The following RAD52 variants were observed in gnomAD, a reference collection of about 807,000 sequenced individuals.
RAD52 encodes DNA repair protein RAD52 homolog.
A neutral mutation model predicts 55.5 loss-of-function variants in RAD52; 47 were observed. The observed-to-expected ratio is 0.85, with a 90% CI of 0.67 to 1.08. RAD52 has a LOEUF of 1.08. Among genes scored for constraint, RAD52 ranks in the 50% least tolerant of loss-of-function variants. The pLI is 0.00. For missense variants in RAD52, 468 were observed against 522.8 expected (o/e 0.90, Z 1.02); for synonymous variants, 184 against 198.9 (o/e 0.92, Z 0.63).
chr12:930,634 A>T (rs868775074), intron 3 of RAD52, among the ~76,000 whole-genome samples: 2 of 114,960 alleles, frequency 1.7e-5, no homozygotes, highest in Non-Finnish European at 3.6e-5. Context: ...GTGTTTAATT[A>T]AAAAAAAAAA....
At chr12:935,865 T>A (rs1418531476) in intron 1 of RAD52, among the ~76,000 whole-genome samples, 2 of 7,386 alleles carry the variant, frequency 2.7e-4, no homozygotes, top group African/African-American at 7.2e-4. Flanking sequence ...AAAAAATAAA[T>A]AAATAAATAA....
rs1384108243 is a variant in RAD52, at chr12:912,525, A to T, written c.*866T>A. The T allele has an allele frequency of 1.4e-5, 2 of 144,792 alleles. No homozygotes were observed. The highest frequency in any genetic ancestry group is 2.9e-5 in the Non-Finnish European group (2 of 69,538). The allele number at this position is 144,792 out of a possible 1,614,324, so 9.0% of individuals were successfully genotyped here. On this transcript the variant is annotated 3_prime_UTR_variant, in exon 12 of 12. Coordinates refer to ENST00000358495, the MANE Select transcript of RAD52 (RefSeq NM_134424.4). ...AGCATTTCAGATAAGCAATATATATATATTCTATTTTGTTAATAAGGTATA... is the reference window on the plus strand; with the variant it reads ...AGCATTTCAGATAAGCAATATATATTTATTCTATTTTGTTAATAAGGTATA...
chr12:953,399 A>T (rs1958562275), upstream of RAD52, among the ~76,000 whole-genome samples: 1 of 152,184 alleles, frequency 6.6e-6, no homozygotes, highest in Non-Finnish European at 1.5e-5. Flanking sequence ...ATTATGCCAG[A>T]AGCCAAAGAA....
At chr12:981,831 G>C (rs1332945993) in intron 1 of RAD52, among the ~76,000 whole-genome samples, 1 of 110,436 alleles carries the variant, frequency 9.1e-6, no homozygotes, top group Non-Finnish European at 2.1e-5. Flanking sequence ...AAATTCTGTT[G>C]AACTTTAAGG....
chr12:964,216 A>C (rs1045735137), intron 1 of RAD52, among the ~76,000 whole-genome samples: 1 of 152,156 alleles, frequency 6.6e-6, no homozygotes, highest in Non-Finnish European at 1.5e-5. Context: ...GTAAGTTTTA[A>C]GAGGATTTTG....
chr12:973,778 CCTT>C (rs200687424), intron 1 of RAD52, among the ~76,000 whole-genome samples: 13 of 136,628 alleles, frequency 9.5e-5, no homozygotes, highest in South Asian at 2.2e-4. Context: ...CACGCCCAGT[CCTT>C]CTTTTTTTTT....
rs117104060 is a variant in RAD52, at chr12:936,158, G to A, written c.-18-3082C>T. Among the ~76,000 whole-genome samples, 517 of 151,954 alleles carry A rather than the reference G, an allele frequency of 3.4e-3. 11 individuals are homozygous for A. Among genetic ancestry groups the A allele is most frequent in the East Asian group, 0.034 (168 of 5,014 alleles). On this transcript the variant is annotated intron_variant, in intron 1 of 11. Transcript: ENST00000358495. ...ATCTCTACTAAAAATACAAAACTTA[G>A]CCAGATGCAGTGGCGCGTGCCTGTA...
chr12:957,466 CAAA>C (rs71055109), intron 1 of RAD52, among the ~76,000 whole-genome samples: 1 of 44,052 alleles, frequency 2.3e-5, no homozygotes, highest in Non-Finnish European at 4.1e-5. Flanking sequence ...AACTTCGTCT[CAAA>C]AAAAAAAAAA....
chr12:981,771 T>TAAATAAATAAAATAAAATAAAATA (rs1555184010), intron 1 of RAD52, among the ~76,000 whole-genome samples: 2 of 139,618 alleles, frequency 1.4e-5, no homozygotes, highest in African/African-American at 2.6e-5. Context: ...AATAAATAAA[T>TAAATAAATAAAATAAAATAAAATA]AAATAAAATA....
intron 2 of RAD52, 40 bp downstream of exon 2, chr12:932,935 T>C: frequency 6.3e-7 from 1 of 1,599,330 alleles, no homozygotes; most frequent in Non-Finnish European, 8.6e-7. Context: ...CTTTACTCAC[T>C]TCACCTCATT....
At chr12:947,410 G>A (rs1415975748) in intron 1 of RAD52, among the ~76,000 whole-genome samples, 2 of 151,922 alleles carry the variant, frequency 1.3e-5, no homozygotes, top group African/African-American at 4.8e-5. Flanking sequence ...CACTTTGGGA[G>A]GCCGAGGCGG....
upstream of RAD52, among the ~76,000 whole-genome samples, chr12:950,462 T>G (rs1004974132): frequency 1.3e-4 from 20 of 150,494 alleles, no homozygotes; most frequent in Non-Finnish European, 2.8e-4. Context: ...TCCCAGCTAC[T>G]CGGGAGGCTG....
chr12:930,911 G>A (rs1295880234), intron 3 of RAD52, among the ~76,000 whole-genome samples: 2 of 151,702 alleles, frequency 1.3e-5, no homozygotes, highest in East Asian at 1.9e-4. Context: ...AGGCTGCAGT[G>A]AGCTGAGATG....
At chr12:916,310 G>A (rs921644961) in intron 9 of RAD52, 34 bp downstream of exon 9, 3 of 1,596,276 alleles carry the variant, frequency 1.9e-6, no homozygotes, top group South Asian at 1.1e-5. Flanking sequence ...TCCTGCAGAC[G>A]CCTCCCAGGG....
intron 1 of RAD52, among the ~76,000 whole-genome samples, chr12:948,668 T>TAA (rs11571387): frequency 6.6e-6 from 1 of 151,994 alleles, no homozygotes; most frequent in African/African-American, 2.4e-5. Flanking sequence ...CACTTTTTTT[T>TAA]AAAAAAGGGA....
chr12:961,126 C>T (rs983857458), intron 1 of RAD52, among the ~76,000 whole-genome samples: 1 of 151,174 alleles, frequency 6.6e-6, no homozygotes, highest in Non-Finnish European at 1.5e-5. Flanking sequence ...CCAGCCTGGC[C>T]AATATGGTGA....
intron 1 of RAD52, among the ~76,000 whole-genome samples, chr12:970,225 A>C (rs1958825048): frequency 6.8e-6 from 1 of 147,830 alleles, no homozygotes; most frequent in South Asian, 2.2e-4. Context: ...GTGCTGAGGC[A>C]GGAGAATCAC....
chr12:950,450 A>G (rs2154119880), upstream of RAD52, among the ~76,000 whole-genome samples: 1 of 151,928 alleles, frequency 6.6e-6, no homozygotes, highest in African/African-American at 2.4e-5. Context: ...GGGCGCCTGT[A>G]GTCCCAGCTA....
chr12:953,579 T>G (rs1958564460), upstream of RAD52, among the ~76,000 whole-genome samples: 1 of 152,208 alleles, frequency 6.6e-6, no homozygotes, highest in Non-Finnish European at 1.5e-5. Flanking sequence ...ACATATCCAC[T>G]GTAGTATTAT....
Sources: gnomAD v4.1 joint callset for allele counts (sites outside exome capture counted in the v4.1 genomes callset) on GRCh38, gnomAD v4.1.1 for gene constraint, MANE v1.5 for transcripts, NCBI Gene and HGNC (gene_info 2026-07-23, HGNC 2026-07-21) for gene names.